Variants in ALPK1 observed in about 807,000 individuals in gnomAD.
ALPK1 encodes alpha kinase 1.
A neutral mutation model predicts 120.6 loss-of-function variants in ALPK1; 110 were observed. The observed-to-expected ratio is 0.91, with a 90% CI of 0.78 to 1.07. ALPK1 has a LOEUF of 1.07. Ranked by LOEUF, ALPK1 falls within the 50% of genes least tolerant of loss-of-function variation. The pLI, the probability that ALPK1 is intolerant of heterozygous loss-of-function variation, is 0.00. For missense variants in ALPK1, 1,498 were observed against 1,483.9 expected, an observed-to-expected ratio of 1.01 and a Z score of -0.16; for synonymous variants, 582 against 560.3, an observed-to-expected ratio of 1.04 and a Z score of -0.55.
chr4:112,378,781 G>A (rs892355865), intron 3 of ALPK1, among the ~76,000 whole-genome samples: 1 of 152,162 alleles, frequency 6.6e-6, no homozygotes, highest in African/African-American at 2.4e-5. Flanking sequence ...AAAATGTTCT[G>A]GGAGAGTCTT....
At chr4:112,357,455 G>A in intron 2 of ALPK1, 1 of 711,050 alleles carries the variant, frequency 1.4e-6, no homozygotes, top group Non-Finnish European at 2.5e-6. Flanking sequence ...CACCACTGCA[G>A]CAGAAAGCGA....
chr4:112,358,248 C>A (rs559911182), intron 2 of ALPK1: 6 of 587,236 alleles, frequency 1.0e-5, no homozygotes, highest in African/African-American at 3.7e-5. Context: ...TTTGCAGACG[C>A]CAGAGCCCAG....
intron 7 of ALPK1, 60 bp downstream of exon 7, chr4:112,425,811 T>C: frequency 7.2e-7 from 1 of 1,380,856 alleles, no homozygotes; most frequent in Non-Finnish European, 1.0e-6. Context: ...GCTGCATGGT[T>C]TCACTGTGGA....
rs142306042 is a variant in ALPK1 at position 112,377,578 on chromosome 4, G to A, written c.-100-100G>A. 2.1e-3 allele frequency: 927 copies of A among 449,362 alleles called. 7 individuals are homozygous for A. Among genetic ancestry groups the A allele is most frequent in the African/African-American group, 0.016 (815 of 49,840 alleles). The allele number at this position is 449,362 out of a possible 1,614,324, so 27.8% of individuals were successfully genotyped here. On this transcript the variant is annotated intron_variant, in intron 2 of 15. Transcript: ENST00000650871. The stretch of plus-strand genomic sequence containing the variant: ...TAATAAAGTCCTCGGGGGCTGTCAT[G>A]TATTTTCCTCTGTTTGCCCTATTAT...
At chr4:112,349,524 G>A (rs1256246781) in intron 2 of ALPK1, among the ~76,000 whole-genome samples, 1 of 149,184 alleles carries the variant, frequency 6.7e-6, no homozygotes, top group Non-Finnish European at 1.5e-5. Flanking sequence ...CTGTGAGATT[G>A]ATCCTATTAT....
intron 3 of ALPK1, among the ~76,000 whole-genome samples, chr4:112,380,313 G>T (rs77825246): frequency 3.9e-5 from 6 of 152,180 alleles, no homozygotes; most frequent in African/African-American, 1.4e-4. Flanking sequence ...GCAGAATGTG[G>T]CCACCTAAGT....
At chr4:112,369,809 A>T (rs181401217) in intron 2 of ALPK1, among the ~76,000 whole-genome samples, 3 of 152,386 alleles carry the variant, frequency 2.0e-5, no homozygotes, top group Admixed American at 1.3e-4. Flanking sequence ...GATAATTTAA[A>T]TTGAGCTTGC....
chr4:112,346,013 G>A (rs10003166), intron 2 of ALPK1, among the ~76,000 whole-genome samples: 2,704 of 152,178 alleles, frequency 0.018, 81 homozygotes, highest in African/African-American at 0.061. Context: ...ACAGGCGTGC[G>A]CTGCCATGCC....
intron 11 of ALPK1, 56 bp downstream of exon 11, chr4:112,432,637 T>G (rs1272266205): frequency 3.3e-6 from 5 of 1,505,974 alleles, no homozygotes; most frequent in Non-Finnish European, 4.5e-6. Context: ...GTTGGGGCAC[T>G]CTGAAGAGCT....
At chr4:112,402,744 G>A (rs1288124116) in intron 4 of ALPK1, among the ~76,000 whole-genome samples, 1 of 152,042 alleles carries the variant, frequency 6.6e-6, no homozygotes, top group Non-Finnish European at 1.5e-5. Flanking sequence ...AATACAATTT[G>A]GTTGCTATTT....
rs546778181 is a variant in ALPK1 at position 112,304,880 on chromosome 4, T to A, written c.-153+7411T>A. Among the ~76,000 whole-genome samples the A allele has an allele frequency of 2.0e-4, 30 of 152,268 alleles. No homozygotes were observed. In the South Asian group the frequency reaches 6.2e-3, roughly 32 times the overall value. On this transcript the variant is annotated intron_variant, in intron 1 of 15. Transcript: ENST00000650871. ...TTTTCTTCTAGGGTTTTTATGGATTTAGGTCTAACGTTTAAGTCTTTAATC... is the reference window on the plus strand; with the variant it reads ...TTTTCTTCTAGGGTTTTTATGGATTAAGGTCTAACGTTTAAGTCTTTAATC...
intron 2 of ALPK1, among the ~76,000 whole-genome samples, chr4:112,331,184 G>T (rs1441616498): frequency 2.0e-5 from 3 of 152,180 alleles, no homozygotes; most frequent in African/African-American, 7.2e-5. Flanking sequence ...TGGCCACTTT[G>T]TTCTTGAACT....
chr4:112,408,267 A>G (rs1213191045), intron 4 of ALPK1, among the ~76,000 whole-genome samples: 1 of 152,158 alleles, frequency 6.6e-6, no homozygotes, highest in Non-Finnish European at 1.5e-5. Context: ...AAGCAAAAGT[A>G]GAAGGAAGGC....
intron 2 of ALPK1, among the ~76,000 whole-genome samples, chr4:112,367,811 T>G (rs1282486318): frequency 6.6e-6 from 1 of 152,232 alleles, no homozygotes; most frequent in South Asian, 2.1e-4. Context: ...TCTTCATATA[T>G]TCTATTTCTC....
rs2148768225 is a variant in ALPK1, at chr4:112,439,688, T to G, written c.3354T>G (p.Ile1118Met). The change falls in exon 14 of 16, where the codon ATT becomes ATG. Residue 1118 changes from isoleucine (I) to methionine (M), a missense_variant and splice_region_variant. By Grantham distance (10) the Ile-to-Met change is conservative. Coordinates refer to ENST00000650871, the MANE Select transcript of ALPK1 (RefSeq NM_025144.4). ...TGTTTCTCATTGCTATTTTTCAGAT[T>G]TTAGAGGACAAGACAATAAAGGGAT... is the stretch of plus-strand genomic sequence containing the variant. ...IFYIPSTILLILEDKTIKGCI... is the reference protein window; with the variant it reads ...IFYIPSTILLMLEDKTIKGCI... The G allele has an allele frequency of 1.3e-6, 2 of 1,595,144 alleles. No individual in the cohort carries two copies. Among genetic ancestry groups the G allele is most frequent in the East Asian group, 2.2e-5 (1 of 44,458 alleles).
At chr4:112,311,485 C>T (rs763481623) in intron 1 of ALPK1, among the ~76,000 whole-genome samples, 10 of 152,154 alleles carry the variant, frequency 6.6e-5, no homozygotes, top group Non-Finnish European at 1.2e-4. Flanking sequence ...GTTAGCATGA[C>T]TCCATCTCTC....
At chr4:112,321,133 A>G (rs1258324160) in intron 2 of ALPK1, among the ~76,000 whole-genome samples, 1 of 151,764 alleles carries the variant, frequency 6.6e-6, no homozygotes, top group Non-Finnish European at 1.5e-5. Context: ...TCCCGACCTC[A>G]TGATCCTCCC....
In ALPK1 at chr4:112,377,726, C is replaced by A; in HGVS notation, c.-52C>A. 1 of 1,468,690 alleles carries A rather than the reference C, an allele frequency of 6.8e-7. No individual in the cohort carries two copies. The highest frequency in any genetic ancestry group is 1.5e-5 in the South Asian group (1 of 67,124). The allele number at this position is 1,468,690 out of a possible 1,614,324, so 91.0% of individuals were successfully genotyped here. A position where few individuals can be genotyped will look rare whatever the true frequency, so the allele number is the denominator to read the frequency against. On this transcript the variant is annotated 5_prime_UTR_variant, in exon 3 of 16. Coordinates refer to ENST00000650871, the MANE Select transcript of ALPK1 (RefSeq NM_025144.4). ...CTTTATTGAGAATCAATGTCTTCTC[C>A]TAGGTAATTGATCACCCTAGACCCA...
chr4:112,334,432 C>CA (rs34230609), intron 2 of ALPK1, among the ~76,000 whole-genome samples: 60,608 of 120,424 alleles, frequency 0.5, 13,876 homozygotes, highest in East Asian at 0.73. Context: ...GACTCTGCCT[C>CA]AAAAAAAAAA....
Sources: allele counts gnomAD v4.1 joint callset (sites outside exome capture counted in the v4.1 genomes callset), GRCh38; gene constraint gnomAD v4.1.1; transcripts MANE v1.5; gene names NCBI Gene and HGNC (gene_info 2026-07-23, HGNC 2026-07-21).